The following CCDC91 variants were observed in gnomAD, a reference collection of about 807,000 sequenced individuals.
The protein encoded by CCDC91 is coiled-coil domain containing 91, also known as coiled-coil domain-containing protein 91.
Under a neutral mutation model 63.2 loss-of-function variants are expected in CCDC91, and 48 were observed. That is an observed-to-expected ratio of 0.76 (90% CI 0.60 to 0.97). The LOEUF is 0.97. Ranked by LOEUF, CCDC91 falls within the 50% of genes least tolerant of loss-of-function variation. CCDC91 has a pLI of 0.00. For synonymous variants in CCDC91, 167 were observed against 165.8 expected (o/e 1.01, Z -0.06); for missense variants, 500 against 494.6 (o/e 1.01, Z -0.10).
intron 8 of CCDC91, among the ~76,000 whole-genome samples, chr12:28,420,338 G>T (rs786708): frequency 0.99 from 151,359 of 152,306 alleles, 75,218 homozygotes; most frequent in Middle Eastern, 1. Context: ...GGATATGTTT[G>T]AGCACTGTTA....
intron 8 of CCDC91, among the ~76,000 whole-genome samples, chr12:28,422,081 A>G (rs981916160): frequency 1.1e-4 from 16 of 152,254 alleles, no homozygotes; most frequent in African/African-American, 3.1e-4. Flanking sequence ...ACTTGCATCA[A>G]TCACTCTATC....
intron 11 of CCDC91, among the ~76,000 whole-genome samples, chr12:28,453,227 A>G (rs1474092361): frequency 2.6e-5 from 4 of 151,992 alleles, no homozygotes; most frequent in Non-Finnish European, 4.4e-5. Context: ...ACACTACCTT[A>G]GTTTGTTTTT....
chr12:28,370,125 A>G (rs1465980590), intron 7 of CCDC91, among the ~76,000 whole-genome samples: 2 of 152,092 alleles, frequency 1.3e-5, no homozygotes, highest in Non-Finnish European at 2.9e-5. Flanking sequence ...ATGGGTTTTT[A>G]TTTTCTATTG....
intron 6 of CCDC91, among the ~76,000 whole-genome samples, chr12:28,351,090 C>T (rs1435675030): frequency 6.6e-6 from 1 of 152,106 alleles, no homozygotes; most frequent in East Asian, 1.9e-4. Context: ...CCTAATGTTC[C>T]CAGAAATCTC....
chr12:28,317,126 G>A (rs1018045431), intron 6 of CCDC91, among the ~76,000 whole-genome samples: 5 of 151,812 alleles, frequency 3.3e-5, no homozygotes, highest in Admixed American at 6.6e-5. Flanking sequence ...GCACAGATTC[G>A]GATGCCATAC....
intron 12 of CCDC91, among the ~76,000 whole-genome samples, chr12:28,532,497 T>TA (rs1257830727): frequency 6.6e-6 from 1 of 152,066 alleles, no homozygotes; most frequent in Non-Finnish European, 1.5e-5. Flanking sequence ...GTTTTATGCA[T>TA]AAGATATATT....
chr12:28,346,066 A>G (rs896166840), intron 6 of CCDC91, among the ~76,000 whole-genome samples: 1 of 151,144 alleles, frequency 6.6e-6, no homozygotes, highest in Non-Finnish European at 1.5e-5. Flanking sequence ...TATATATTTG[A>G]TCTTAATTAA....
At position 28,400,729 on chromosome 12, in the gene CCDC91, A is replaced by G. The variant is rs148858292; in HGVS notation, c.762+9318A>G. On this transcript the variant is annotated intron_variant, in intron 8 of 12. Coordinates refer to ENST00000536442, the MANE Select transcript of CCDC91 (RefSeq NM_018318.5). ...TGCTTAGAAATTTCTTCCACTAGATATGCTAAATCATCTCTCTCAAATTCA... is the reference window on the plus strand; with the variant it reads ...TGCTTAGAAATTTCTTCCACTAGATGTGCTAAATCATCTCTCTCAAATTCA... Among the ~76,000 whole-genome samples the G allele has an allele frequency of 3.9e-3, 588 of 152,248 alleles. 7 individuals carry two copies. Among genetic ancestry groups the G allele is most frequent in the African/African-American group, 0.013 (556 of 41,552 alleles).
intron 1 of CCDC91, among the ~76,000 whole-genome samples, chr12:28,221,144 G>A (rs1943914070): frequency 6.6e-6 from 1 of 151,628 alleles, no homozygotes; most frequent in South Asian, 2.1e-4. Context: ...TACTATTGCT[G>A]TTTTTTTAAC....
intron 3 of CCDC91, among the ~76,000 whole-genome samples, chr12:28,275,921 AC>A (rs1433177692): frequency 6.6e-6 from 1 of 151,968 alleles, no homozygotes; most frequent in Non-Finnish European, 1.5e-5. Flanking sequence ...AAATTCAACA[AC>A]CCTTCATGCG....
At chr12:28,496,866 A>G (rs1377231442) in intron 12 of CCDC91, among the ~76,000 whole-genome samples, 3 of 143,902 alleles carry the variant, frequency 2.1e-5, no homozygotes, top group Non-Finnish European at 3.0e-5. Flanking sequence ...TTCTTAAGGT[A>G]TATATATATA....
intron 6 of CCDC91, among the ~76,000 whole-genome samples, chr12:28,354,815 TGATCGGGACGTTTGTA>T (rs1383670143): frequency 3.9e-5 from 6 of 152,178 alleles, no homozygotes; most frequent in Non-Finnish European, 8.8e-5. Flanking sequence ...AAATTCTTAT[TGATCGGGACGTTTGTA>T]GATTTATTGT....
intron 1 of CCDC91, among the ~76,000 whole-genome samples, chr12:28,204,746 AG>A (rs1224508660): frequency 6.6e-6 from 1 of 152,194 alleles, no homozygotes; most frequent in East Asian, 1.9e-4. Flanking sequence ...TTGCTGCCAA[AG>A]GCTCACCACA....
intron 11 of CCDC91, among the ~76,000 whole-genome samples, chr12:28,454,011 A>T (rs907492758): frequency 6.6e-6 from 1 of 152,134 alleles, no homozygotes; most frequent in Non-Finnish European, 1.5e-5. Flanking sequence ...GCAGTATATG[A>T]TACACTACTT....
chr12:28,216,757 T>C (rs1428151599), intron 1 of CCDC91, among the ~76,000 whole-genome samples: 1 of 152,076 alleles, frequency 6.6e-6, no homozygotes, highest in Non-Finnish European at 1.5e-5. Flanking sequence ...TTTAAGTGTG[T>C]TTGTTCAGGA....
intron 3 of CCDC91, among the ~76,000 whole-genome samples, chr12:28,273,546 A>G (rs1162914189): frequency 2.6e-5 from 4 of 152,102 alleles, no homozygotes; most frequent in Non-Finnish European, 4.4e-5. Context: ...CTGGTGTGAG[A>G]TGGTATCTCA....
intron 6 of CCDC91, among the ~76,000 whole-genome samples, chr12:28,359,053 G>A (rs1241954320): frequency 1.3e-5 from 2 of 152,072 alleles, no homozygotes; most frequent in Admixed American, 1.3e-4. Context: ...CCACCACCAC[G>A]CCCAGCTAAT....
chr12:28,470,413 G>C (rs1950757594), intron 11 of CCDC91, among the ~76,000 whole-genome samples: 1 of 152,030 alleles, frequency 6.6e-6, no homozygotes, highest in African/African-American at 2.4e-5. Flanking sequence ...AAAATGGCTT[G>C]TATCCAGAAG....
At chr12:28,475,499 G>A (rs1334088479) in intron 11 of CCDC91, among the ~76,000 whole-genome samples, 7 of 152,072 alleles carry the variant, frequency 4.6e-5, no homozygotes, top group African/African-American at 1.7e-4. Context: ...AGAGTTTACA[G>A]AAGGGCTTGT....
Sources: gnomAD v4.1 joint callset for allele counts (sites outside exome capture counted in the v4.1 genomes callset) on GRCh38, gnomAD v4.1.1 for gene constraint, MANE v1.5 for transcripts, NCBI Gene and HGNC (gene_info 2026-07-23, HGNC 2026-07-21) for gene names.